Variants in NAV3 observed in about 807,000 individuals in gnomAD.
The protein encoded by NAV3 is neuron navigator 3.
NAV3 carries 87 observed loss-of-function variants against 244.7 expected under a neutral mutation model. The observed-to-expected ratio is 0.36, with a 90% CI of 0.30 to 0.42. NAV3 has a LOEUF of 0.42. Ranked by LOEUF, NAV3 falls within the 20% of genes least tolerant of loss-of-function variation. The probability of loss-of-function intolerance (pLI) is 1.00; values close to 1 mark genes in which losing one functional copy is unlikely to be tolerated. For missense variants in NAV3, 2,663 were observed against 2,893.3 expected (o/e 0.92, Z 1.83); for synonymous variants, 1,126 against 1,042.2 (o/e 1.08, Z -1.55).
At chr12:77,694,360 C>A (rs1223106497) in intron 2 of NAV3, among the ~76,000 whole-genome samples, 1 of 151,644 alleles carries the variant, frequency 6.6e-6, no homozygotes, top group Admixed American at 6.6e-5. Context: ...GTAGTCCCAG[C>A]TACTCAGGAG....
At chr12:78,075,816 GACT>G (rs1412350247) in intron 12 of NAV3, among the ~76,000 whole-genome samples, 1 of 152,022 alleles carries the variant, frequency 6.6e-6, no homozygotes, top group African/African-American at 2.4e-5. Flanking sequence ...TTATTTTCAT[GACT>G]ACTAACATGA....
At chr12:77,871,614 A>G (rs1324298574) in intron 1 of NAV3, among the ~76,000 whole-genome samples, 1 of 152,192 alleles carries the variant, frequency 6.6e-6, no homozygotes, top group Non-Finnish European at 1.5e-5. Context: ...AAAGGACATG[A>G]ACTCATCCTT....
At chr12:78,199,170 C>T (rs765161524) in intron 36 of NAV3, 165 bp from the exon 37 acceptor site, 1 of 701,982 alleles carries the variant, frequency 1.4e-6, no homozygotes, top group South Asian at 1.5e-5. Flanking sequence ...CCTAGTAGAC[C>T]TCCTAACACC....
In NAV3 at chr12:77,983,380, G is replaced by A. The variant is rs894685527; in HGVS notation, c.672-11423G>A. On this transcript the variant is annotated intron_variant, in intron 5 of 39. Coordinates refer to ENST00000397909, the MANE Select transcript of NAV3 (RefSeq NM_001024383.2). ...AGTAAGGGTAAAAGACAATCATCAC[G>A]TCTCTACTTTCATTGATGAATTGAA... Among the ~76,000 whole-genome samples the A allele has an allele frequency of 7.9e-5, 12 of 152,184 alleles. No homozygotes were observed. In the East Asian group the frequency reaches 9.7e-4, roughly 12 times the overall value.
intron 1 of NAV3, among the ~76,000 whole-genome samples, chr12:77,868,772 GA>G (rs981946550): frequency 1.7e-5 from 2 of 115,438 alleles, no homozygotes; most frequent in African/African-American, 3.2e-5. Flanking sequence ...AAAAAAAAAA[GA>G]AAAAAAAACT....
At chr12:78,091,668 C>T (rs1227048913) in intron 12 of NAV3, 2 of 149,720 alleles carry the variant, frequency 1.3e-5, no homozygotes, top group Non-Finnish European at 3.0e-5. Flanking sequence ...TAGTGGCGGG[C>T]GCCTGTAGTC....
At chr12:77,761,276 G>A (rs779069744) in intron 2 of NAV3, among the ~76,000 whole-genome samples, 3 of 152,112 alleles carry the variant, frequency 2.0e-5, no homozygotes, top group South Asian at 2.1e-4. Flanking sequence ...TGGCCAGGCT[G>A]GTGGCCTCAA....
At chr12:77,942,741 A>G (rs1889993850) in intron 3 of NAV3, among the ~76,000 whole-genome samples, 1 of 152,224 alleles carries the variant, frequency 6.6e-6, no homozygotes, top group African/African-American at 2.4e-5. Flanking sequence ...TGTGACAATG[A>G]GATATGTATG....
At chr12:78,207,008 A>T (rs1044789736) in intron 39 of NAV3, among the ~76,000 whole-genome samples, 46 of 151,808 alleles carry the variant, frequency 3.0e-4, no homozygotes, top group African/African-American at 1.1e-3. Flanking sequence ...ACAGTCATGC[A>T]CCACCATGCC....
chr12:77,869,678 C>G (rs554708801), intron 1 of NAV3, among the ~76,000 whole-genome samples: 2 of 152,284 alleles, frequency 1.3e-5, no homozygotes, highest in Admixed American at 1.3e-4. Flanking sequence ...AATTCTAGAT[C>G]CGTTTCTTTT....
intron 34 of NAV3, among the ~76,000 whole-genome samples, chr12:78,194,073 A>G (rs1959097077): frequency 6.6e-6 from 1 of 151,760 alleles, no homozygotes; most frequent in Admixed American, 6.6e-5. Context: ...TCTCCTTTGG[A>G]TGACTCTTGT....
At chr12:78,149,009 G>A in intron 22 of NAV3, 90 bp downstream of exon 22, 1 of 1,058,276 alleles carries the variant, frequency 9.4e-7, no homozygotes, top group Non-Finnish European at 1.4e-6. Flanking sequence ...AATTTTCAGT[G>A]CCTGATACAG....
At chr12:77,727,924 G>A (rs754728348) in intron 2 of NAV3, among the ~76,000 whole-genome samples, 12 of 151,802 alleles carry the variant, frequency 7.9e-5, no homozygotes, top group Non-Finnish European at 1.6e-4. Context: ...AATGAAGTCT[G>A]CCAATATTAT....
At chr12:77,607,510 A>T (rs1870722347) in intron 2 of NAV3, among the ~76,000 whole-genome samples, 1 of 152,080 alleles carries the variant, frequency 6.6e-6, no homozygotes, top group Admixed American at 6.6e-5. Context: ...TAAAACTTGA[A>T]TTTTTGTGTG....
At chr12:78,085,350 A>C (rs1462709499) in intron 12 of NAV3, among the ~76,000 whole-genome samples, 1 of 152,154 alleles carries the variant, frequency 6.6e-6, no homozygotes, top group Non-Finnish European at 1.5e-5. Context: ...GGGGAAGAGC[A>C]AAAGAGGCAG....
intron 5 of NAV3, among the ~76,000 whole-genome samples, chr12:77,983,053 TATA>T (rs1476264051): frequency 2.0e-5 from 3 of 152,132 alleles, no homozygotes; most frequent in Non-Finnish European, 4.4e-5. Flanking sequence ...TGTCATAGCA[TATA>T]ATGAGAGAGA....
chr12:77,676,300 T>G (rs1874202524), intron 2 of NAV3, among the ~76,000 whole-genome samples: 1 of 152,012 alleles, frequency 6.6e-6, no homozygotes, highest in Non-Finnish European at 1.5e-5. Flanking sequence ...TACTCTCTCT[T>G]CCTGAAAGGA....
rs189110060 is a variant in NAV3, at chr12:78,001,576, C to T, written c.880+3100C>T. On this transcript the variant is annotated intron_variant, in intron 7 of 39. Coordinates refer to ENST00000397909, the MANE Select transcript of NAV3 (RefSeq NM_001024383.2). Reference sequence around the variant, plus strand: ...AATTAGCTTTTTTAAAGTGATGTGACGCTTAATGAGAAGAAATCAGTAGAG... The same window carrying T: ...AATTAGCTTTTTTAAAGTGATGTGATGCTTAATGAGAAGAAATCAGTAGAG... Among the ~76,000 whole-genome samples the T allele has an allele frequency of 1.4e-3, 216 of 152,194 alleles. 1 individual carries two copies. The highest frequency in any genetic ancestry group is 1.7e-3 in the Non-Finnish European group (118 of 68,012).
chr12:78,181,188 C>T, intron 30 of NAV3, 143 bp downstream of exon 30: 2 of 705,548 alleles, frequency 2.8e-6, no homozygotes, highest in Middle Eastern at 3.7e-4. Flanking sequence ...TCTTATAAAT[C>T]TAGTCTACTT....
Sources: allele counts gnomAD v4.1 joint callset (sites outside exome capture counted in the v4.1 genomes callset), GRCh38; gene constraint gnomAD v4.1.1; transcripts MANE v1.5; gene names NCBI Gene and HGNC (gene_info 2026-07-23, HGNC 2026-07-21).